SYNE1: variants seen among roughly 807,000 people sequenced by gnomAD.
The protein encoded by SYNE1 is spectrin repeat containing nuclear envelope protein 1.
Under a neutral mutation model 1,111.0 loss-of-function variants are expected in SYNE1, and 616 were observed. The observed-to-expected ratio is 0.55, with a 90% CI of 0.52 to 0.59. The LOEUF (loss-of-function observed/expected upper bound fraction) is 0.59, where lower values mean the gene tolerates loss of function less well. Ranked by LOEUF, SYNE1 falls within the 20% of genes least tolerant of loss-of-function variation. SYNE1 has a pLI of 0.00. For missense variants in SYNE1, 10,006 were observed against 10,417.0 expected (o/e 0.96, Z 1.72); for synonymous variants, 3,855 against 3,825.8 (o/e 1.01, Z -0.28).
At chr6:152,455,338 T>A in intron 24 of SYNE1, 88 bp downstream of exon 24, 1 of 1,432,298 alleles carries the variant, frequency 7.0e-7, no homozygotes, top group East Asian at 2.3e-5. Context: ...TCTCCTTCTG[T>A]ATCAGATCAG....
At chr6:152,492,172 G>A (rs2098974089) in intron 11 of SYNE1, among the ~76,000 whole-genome samples, 1 of 152,144 alleles carries the variant, frequency 6.6e-6, no homozygotes, top group African/African-American at 2.4e-5. Context: ...TGCCGCCCTA[G>A]ACCCAGAGGG....
At chr6:152,522,511 C>T (rs761218226) in intron 5 of SYNE1, among the ~76,000 whole-genome samples, 12 of 152,106 alleles carry the variant, frequency 7.9e-5, no homozygotes, top group Non-Finnish European at 1.6e-4. Flanking sequence ...AATTGTGCTG[C>T]TATAAATATC....
intron 3 of SYNE1, among the ~76,000 whole-genome samples, chr6:152,586,122 A>G (rs928656460): frequency 2.6e-5 from 4 of 152,324 alleles, no homozygotes; most frequent in Admixed American, 1.3e-4. Context: ...TGGCAAGTAT[A>G]TTCCAATATC....
chr6:152,603,920 C>A lies in SYNE1; in HGVS notation c.67+24345G>T, dbSNP rs928391951. 2.8e-5 allele frequency among the ~76,000 whole-genome samples: 4 copies of A among 144,408 alleles called. No individual in the cohort carries two copies. In the East Asian group the frequency reaches 6.0e-4, roughly 22 times the overall value. The allele number at this position is 144,408 out of a possible 152,430, so 94.7% of individuals were successfully genotyped here. A position where few individuals can be genotyped will look rare whatever the true frequency, so the allele number is the denominator to read the frequency against. On this transcript the variant is annotated intron_variant, in intron 3 of 145. Coordinates refer to ENST00000367255, the MANE Select transcript of SYNE1 (RefSeq NM_182961.4). ...TAGATAGATATACTATCTATATATA[C>A]ATATATGTATATGTATATAGATATA...
intron 115 of SYNE1, among the ~76,000 whole-genome samples, chr6:152,228,947 A>G (rs2082163077): frequency 6.6e-6 from 1 of 152,080 alleles, no homozygotes. Context: ...AACTATTATT[A>G]CTTCAAGGTA....
intron 3 of SYNE1, among the ~76,000 whole-genome samples, chr6:152,596,194 C>A (rs568659550): frequency 1.4e-5 from 2 of 145,582 alleles, no homozygotes; most frequent in East Asian, 4.0e-4. Flanking sequence ...TACTTTAAGG[C>A]CAATTTTACA....
intron 145 of SYNE1, chr6:152,125,185 C>T (rs2813562): frequency 0.21 from 309,733 of 1,481,630 alleles, 33,522 homozygotes; most frequent in African/African-American, 0.29. Flanking sequence ...CCCTGCCCAC[C>T]GCACTCTCTG....
rs181503573 is a variant in SYNE1 at position 152,500,715 on chromosome 6, C to T, written c.888+1918G>A. On this transcript the variant is annotated intron_variant, in intron 10 of 145. Transcript: ENST00000367255. The stretch of plus-strand genomic sequence containing the variant: ...CTGTAATCCCAGCACTTTGGGAGGC[C>T]GAGGTGAGAGGATCATGAGGTTAGG... Among the ~76,000 whole-genome samples the T allele has an allele frequency of 7.9e-3, 1,192 of 151,744 alleles. 7 individuals carry two copies. The highest frequency in any genetic ancestry group is 0.012 in the African/African-American group (482 of 41,364).
chr6:152,459,079 CT>C, intron 21 of SYNE1, 149 bp from the exon 22 acceptor site: 1 of 769,808 alleles, frequency 1.3e-6, no homozygotes, highest in Non-Finnish European at 2.2e-6. Flanking sequence ...ATGATATTTC[CT>C]CTATATTGTC....
chr6:152,169,130 A>G (rs911297202), intron 130 of SYNE1, among the ~76,000 whole-genome samples: 3 of 152,116 alleles, frequency 2.0e-5, no homozygotes, highest in Admixed American at 6.5e-5. Context: ...AATAATAAAT[A>G]TTAAATAAAT....
In SYNE1 at chr6:152,502,655, C is replaced by T. The variant is rs139190745; in HGVS notation, c.866G>A (p.Ser289Asn). 6.2e-7 allele frequency: 1 copy of T among 1,613,438 alleles called. No individual in the cohort carries two copies. Among genetic ancestry groups the T allele is most frequent in the African/African-American group, 1.3e-5 (1 of 74,904 alleles). ...LKHYPDIHNASTDGQEDDEIL... is the reference protein window; with the variant it reads ...LKHYPDIHNANTDGQEDDEIL... ...TACATCATCCTCTTGCCCATCAGTG[C>T]TTGCATTGTGGATGTCAGGATAATG... Residue 289 changes from serine (S) to asparagine (N), a missense_variant, in exon 10 of 146, where the codon AGC becomes AAC. Physicochemically the swap from Ser to Asn is conservative, Grantham distance 46. Transcript: ENST00000367255.
intron 14 of SYNE1, among the ~76,000 whole-genome samples, chr6:152,477,545 C>G (rs2098842172): frequency 6.6e-6 from 1 of 152,176 alleles, no homozygotes; most frequent in Non-Finnish European, 1.5e-5. Context: ...TGAGGCTTCA[C>G]TGACAACCCT....
At chr6:152,578,480 A>T (rs2099508907) in intron 3 of SYNE1, among the ~76,000 whole-genome samples, 1 of 152,190 alleles carries the variant, frequency 6.6e-6, no homozygotes, top group Non-Finnish European at 1.5e-5. Flanking sequence ...CTCTAATCCC[A>T]GCTACTTGGA....
intron 98 of SYNE1, chr6:152,277,372 G>C (rs189219567): frequency 2.5e-4 from 35 of 142,096 alleles, no homozygotes; most frequent in African/African-American, 9.0e-4. Context: ...CCACCTCCCA[G>C]GTTCAAGCAA....
At chr6:152,384,561 T>C (rs996881039) in intron 55 of SYNE1, among the ~76,000 whole-genome samples, 5 of 152,230 alleles carry the variant, frequency 3.3e-5, no homozygotes, top group Non-Finnish European at 5.9e-5. Context: ...AATAAGATAA[T>C]ACTTTTAAAG....
At chr6:152,284,610 ATTTTTTTT>A (rs760978831) in intron 95 of SYNE1, among the ~76,000 whole-genome samples, 2 of 108,150 alleles carry the variant, frequency 1.8e-5, no homozygotes, top group African/African-American at 7.2e-5. Context: ...ACACCTGGTA[ATTTTTTTT>A]TTTTTTTTTT....
Position 152,353,589 on chromosome 6 carries a change from C to T in SYNE1, c.11082G>A (p.Leu3694=), listed in dbSNP as rs1240479951. The part of the protein sequence containing the change: ...SRYQALLLQV[L]EQIKFLEEEI... ...GCTGAGCACCTGGTGACCCACTCAC[C>T]AGCACTTGGAGAAGCAGGGCCTGGT... The change falls in exon 68 of 146, where the codon CTG becomes CTA. Residue 3694 remains leucine, a splice_region_variant and synonymous_variant. Coordinates refer to ENST00000367255, the MANE Select transcript of SYNE1 (RefSeq NM_182961.4). 1 of 1,614,184 alleles carries T rather than the reference C, an allele frequency of 6.2e-7. No individual in the cohort carries two copies. Among genetic ancestry groups the T allele is most frequent in the Admixed American group, 1.7e-5 (1 of 60,022 alleles).
chr6:152,556,249 G>A (rs2099364679), intron 3 of SYNE1, among the ~76,000 whole-genome samples: 1 of 152,134 alleles, frequency 6.6e-6, no homozygotes, highest in Non-Finnish European at 1.5e-5. Context: ...ACATTGAAGA[G>A]GGTATGAAGA....
At chr6:152,627,084 C>A (rs1372614998) in intron 3 of SYNE1, among the ~76,000 whole-genome samples, 2 of 152,158 alleles carry the variant, frequency 1.3e-5, no homozygotes, top group African/African-American at 4.8e-5. Context: ...CAAAGACTAG[C>A]ACAAAACTCT....
Sources: gnomAD v4.1 joint callset for allele counts (sites outside exome capture counted in the v4.1 genomes callset) on GRCh38, gnomAD v4.1.1 for gene constraint, MANE v1.5 for transcripts, NCBI Gene and HGNC (gene_info 2026-07-23, HGNC 2026-07-21) for gene names.